The following DENND5B variants were observed in gnomAD, a reference collection of about 807,000 sequenced individuals.
DENND5B encodes DENN domain containing 5B, also known as DENN domain-containing protein 5B.
A neutral mutation model predicts 140.6 loss-of-function variants in DENND5B; 34 were observed. The ratio of observed to expected loss-of-function variants is 0.24; its 90% CI spans 0.18 to 0.32. The LOEUF is 0.32. DENND5B is among the 10% of genes least tolerant of loss of function. DENND5B has a pLI of 1.00. For missense variants in DENND5B, 1,142 were observed against 1,560.2 expected (o/e 0.73, Z 4.52); for synonymous variants, 551 against 562.1 (o/e 0.98, Z 0.28).
At chr12:31,548,405 G>GAAA (rs1487872470) in intron 1 of DENND5B, among the ~76,000 whole-genome samples, 1 of 94,004 alleles carries the variant, frequency 1.1e-5, no homozygotes, top group African/African-American at 3.9e-5. Flanking sequence ...AAAAAAAGAA[G>GAAA]AAGAAAAAAA....
intron 1 of DENND5B, among the ~76,000 whole-genome samples, chr12:31,563,185 AAAG>A (rs1228327905): frequency 6.6e-6 from 1 of 152,200 alleles, no homozygotes; most frequent in African/African-American, 2.4e-5. Flanking sequence ...GTCAAAGCTA[AAAG>A]AAGAGAAGCC....
intron 1 of DENND5B, among the ~76,000 whole-genome samples, chr12:31,585,658 T>G (rs1194309882): frequency 1.3e-5 from 2 of 152,212 alleles, no homozygotes; most frequent in Non-Finnish European, 2.9e-5. Flanking sequence ...CTCTTTACCA[T>G]AAATATGTCT....
At chr12:31,531,546 AT>A (rs1242665773) in intron 1 of DENND5B, among the ~76,000 whole-genome samples, 1 of 151,636 alleles carries the variant, frequency 6.6e-6, no homozygotes, top group Non-Finnish European at 1.5e-5. Context: ...TGGTAAAATG[AT>A]TTTTTTTTCT....
At chr12:31,555,660 A>C (rs1467274838) in intron 1 of DENND5B, among the ~76,000 whole-genome samples, 2 of 152,256 alleles carry the variant, frequency 1.3e-5, no homozygotes, top group African/African-American at 4.8e-5. Flanking sequence ...TGGCGCCTAC[A>C]GATGCAGGCA....
In DENND5B at chr12:31,451,857, CAGA is replaced by C. The variant is rs142684836; in HGVS notation, c.1629+80_1629+82del. 4.1e-3 allele frequency: 6,061 copies of C among 1,482,860 alleles called. 215 individuals are homozygous for C. In the African/African-American group the frequency reaches 0.078, roughly 19 times the overall value. 91.9% of individuals were successfully genotyped at this position (1,482,860 alleles called of 1,614,324 possible). A position where few individuals can be genotyped will look rare whatever the true frequency, so the allele number is the denominator to read the frequency against. On this transcript the variant is annotated intron_variant, in intron 5 of 20. Coordinates refer to ENST00000389082, the MANE Select transcript of DENND5B (RefSeq NM_144973.4). ...AATAATATATGGGTAAGCATAGGCA[CAGA>C]AGAATAAAAAATTTAAAAATGTTAA...
chr12:31,452,569 A>G, intron 4 of DENND5B, 93 bp from the exon 5 acceptor site: 3 of 1,343,018 alleles, frequency 2.2e-6, no homozygotes, highest in Non-Finnish European at 3.0e-6. Flanking sequence ...CTCACACATA[A>G]TCCCAGCACT....
At chr12:31,565,511 T>A (rs77448828) in intron 1 of DENND5B, among the ~76,000 whole-genome samples, 3,127 of 152,292 alleles carry the variant, frequency 0.021, 56 homozygotes, top group South Asian at 0.052. Context: ...ACCAACAAAA[T>A]CTGTAATTTT....
chr12:31,575,585 A>G (rs183942168), intron 1 of DENND5B, among the ~76,000 whole-genome samples: 12 of 152,332 alleles, frequency 7.9e-5, no homozygotes, highest in Non-Finnish European at 1.8e-4. Flanking sequence ...GGACCACAAG[A>G]GAAGGAAGAG....
intron 7 of DENND5B, among the ~76,000 whole-genome samples, chr12:31,439,615 G>GAA (rs1222698712): frequency 6.8e-6 from 1 of 147,726 alleles, no homozygotes; most frequent in Non-Finnish European, 1.5e-5. Context: ...ATGAATGAAT[G>GAA]AACAATCTAA....
intron 3 of DENND5B, among the ~76,000 whole-genome samples, chr12:31,463,917 C>T (rs957580413): frequency 6.6e-6 from 1 of 152,208 alleles, no homozygotes; most frequent in Admixed American, 6.6e-5. Flanking sequence ...ATCCACACGC[C>T]TTTGCCTCCC....
intron 4 of DENND5B, among the ~76,000 whole-genome samples, chr12:31,459,293 T>G (rs753033168): frequency 6.6e-6 from 1 of 152,046 alleles, no homozygotes; most frequent in Non-Finnish European, 1.5e-5. Context: ...CAATAATTCT[T>G]GTTTATTTAT....
At chr12:31,450,820 C>T (rs1485220485) in intron 5 of DENND5B, among the ~76,000 whole-genome samples, 1 of 152,098 alleles carries the variant, frequency 6.6e-6, no homozygotes, top group Non-Finnish European at 1.5e-5. Context: ...CCTCAGCAAT[C>T]ACAGCAGTAA....
At chr12:31,453,530 T>A (rs1464078300) in intron 4 of DENND5B, among the ~76,000 whole-genome samples, 1 of 152,154 alleles carries the variant, frequency 6.6e-6, no homozygotes, top group Non-Finnish European at 1.5e-5. Flanking sequence ...AAGGTTGTGT[T>A]TCTAGATTGG....
intron 1 of DENND5B, among the ~76,000 whole-genome samples, chr12:31,500,899 T>A (rs7307593): frequency 2.0e-5 from 3 of 151,814 alleles, no homozygotes; most frequent in South Asian, 2.1e-4. Flanking sequence ...ACCCCATAAC[T>A]CCAGTCTAAT....
At chr12:31,565,645 G>C (rs1227943011) in intron 1 of DENND5B, among the ~76,000 whole-genome samples, 2 of 152,138 alleles carry the variant, frequency 1.3e-5, no homozygotes, top group Non-Finnish European at 2.9e-5. Flanking sequence ...AGATTTAAAA[G>C]GTGGGCTCTT....
At chr12:31,557,264 T>C (rs1301749138) in intron 1 of DENND5B, among the ~76,000 whole-genome samples, 1 of 152,256 alleles carries the variant, frequency 6.6e-6, no homozygotes, top group African/African-American at 2.4e-5. Context: ...TTAGTAGTTA[T>C]CTCTAAACAG....
rs754102590 is a variant in DENND5B, at chr12:31,480,108, A to G, written c.385T>C (p.Cys129Arg). ...TGGTAAAGTGTCTGCATTGCTGTGC[A>G]GATTTGCTTACTTGTAACTTCTTCA... ...FYEEVTSKQI[C>R]TAMQTLYQMH... is the part of the protein sequence containing the mutation. The change falls in exon 3 of 21, where the codon TGC (cysteine) becomes CGC (arginine). Residue 129 changes from cysteine (C) to arginine (R), a missense_variant. Around this residue, in one of 5 missense-constraint regions of DENND5B, gnomAD observed 708 missense variants for 905.5 expected, o/e 0.78. Coordinates refer to ENST00000389082, the MANE Select transcript of DENND5B (RefSeq NM_144973.4). 1 of 1,613,700 alleles carries G rather than the reference A, an allele frequency of 6.2e-7. No homozygotes were observed. The highest frequency in any genetic ancestry group is 1.1e-5 in the South Asian group (1 of 91,038).
At chr12:31,458,299 T>A (rs1221773353) in intron 4 of DENND5B, among the ~76,000 whole-genome samples, 4 of 152,210 alleles carry the variant, frequency 2.6e-5, no homozygotes, top group Non-Finnish European at 5.9e-5. Flanking sequence ...ACATATAAAT[T>A]ATCTTATAAA....
intron 1 of DENND5B, among the ~76,000 whole-genome samples, chr12:31,516,456 A>C (rs558350805): frequency 3.1e-4 from 46 of 150,614 alleles, no homozygotes; most frequent in African/African-American, 9.1e-4. Flanking sequence ...TAGCCTGGAC[A>C]ATAAGAGTGA....
Sources: allele counts gnomAD v4.1 joint callset (sites outside exome capture counted in the v4.1 genomes callset), GRCh38; gene constraint gnomAD v4.1.1; regional missense constraint gnomAD v4.1.1; transcripts MANE v1.5; gene names NCBI Gene and HGNC (gene_info 2026-07-23, HGNC 2026-07-21).